Variants in DSE observed in about 807,000 individuals in gnomAD.
DSE encodes dermatan-sulfate epimerase.
Under a neutral mutation model 84.4 loss-of-function variants are expected in DSE, and 36 were observed. The ratio of observed to expected loss-of-function variants is 0.43; its 90% confidence interval spans 0.33 to 0.56. The LOEUF is 0.56. Among genes scored for constraint, DSE ranks in the 20% least tolerant of loss-of-function variants. The pLI, the probability that DSE is intolerant of heterozygous loss-of-function variation, is 0.06. For missense variants in DSE, 862 were observed against 1,169.6 expected (o/e 0.74, Z 3.84); for synonymous variants, 410 against 430.1 (o/e 0.95, Z 0.58).
chr6:116,360,120 G>C (rs1414580812), intron 2 of DSE, among the ~76,000 whole-genome samples: 2 of 152,210 alleles, frequency 1.3e-5, no homozygotes, highest in African/African-American at 4.8e-5. Context: ...ACCAAACACC[G>C]CATGTTCTCA....
At chr6:116,292,477 A>G (rs1413664909) in intron 2 of DSE, among the ~76,000 whole-genome samples, 1 of 152,182 alleles carries the variant, frequency 6.6e-6, no homozygotes, top group African/African-American at 2.4e-5. Flanking sequence ...GAGTTGAAAA[A>G]ATGAATGATA....
In DSE at chr6:116,443,279, A is replaced by G. The variant is rs1784483413; in HGVS notation, c.*5934A>G. 1 of 152,236 alleles carries G rather than the reference A, an allele frequency of 6.6e-6. No homozygotes were observed. Among genetic ancestry groups the G allele is most frequent in the Non-Finnish European group, 1.5e-5 (1 of 68,040 alleles). 9.4% of individuals were successfully genotyped at this position (152,236 alleles called of 1,614,324 possible). On this transcript the variant is annotated 3_prime_UTR_variant, in exon 6 of 6. Coordinates refer to ENST00000644252, the MANE Select transcript of DSE (RefSeq NM_013352.4). ...TAATGAGTCAAGGATCCCTAATGGT[A>G]TATATGTCTGAGTCTTATTTAATAT...
At chr6:116,260,103 C>A (rs906267214) in intron 2 of DSE, among the ~76,000 whole-genome samples, 8 of 152,222 alleles carry the variant, frequency 5.3e-5, no homozygotes, top group African/African-American at 1.9e-4. Flanking sequence ...TCTACTCCCA[C>A]CAACAGTGTA....
chr6:116,393,572 C>A (rs1781046265), intron 1 of DSE, among the ~76,000 whole-genome samples: 1 of 152,210 alleles, frequency 6.6e-6, no homozygotes. Context: ...CATGTCTAAT[C>A]ACCCCATGAA....
intron 3 of DSE, 122 bp downstream of exon 3, chr6:116,426,949 CATGAAATGAAGTAGTCCCTACAGTA>C: frequency 7.5e-7 from 1 of 1,333,726 alleles, no homozygotes; most frequent in Non-Finnish European, 1.0e-6. Context: ...TAACTAAACC[CATGAAATGAAGTAGTCCCTACAGTA>C]TCACTTAGTT....
intron 2 of DSE, among the ~76,000 whole-genome samples, chr6:116,403,492 A>C (rs542486178): frequency 1.4e-4 from 22 of 152,068 alleles, no homozygotes; most frequent in Non-Finnish European, 3.1e-4. Context: ...CTTTTCCCCT[A>C]GAAGATTAAG....
intron 2 of DSE, among the ~76,000 whole-genome samples, chr6:116,264,821 C>A (rs1186970514): frequency 6.6e-6 from 1 of 152,128 alleles, no homozygotes; most frequent in African/African-American, 2.4e-5. Flanking sequence ...GGCTGTGTTT[C>A]TGGAAGATTT....
At chr6:116,418,914 T>C (rs111996774) in intron 2 of DSE, among the ~76,000 whole-genome samples, 2 of 152,180 alleles carry the variant, frequency 1.3e-5, no homozygotes, top group Non-Finnish European at 2.9e-5. Context: ...TAATGTTGAG[T>C]TGAGAAGATG....
chr6:116,260,925 A>G (rs9374595), intron 2 of DSE, among the ~76,000 whole-genome samples: 34,663 of 152,070 alleles, frequency 0.23, 5,369 homozygotes, highest in East Asian at 0.64. Context: ...GTGATGCCTC[A>G]AGATTTGTTC....
At chr6:116,258,305 C>T (rs554270914) in intron 1 of DSE, 14 of 449,022 alleles carry the variant, frequency 3.1e-5, no homozygotes, top group East Asian at 9.7e-5. Context: ...TGTGAGCCAC[C>T]GGACCTGGCC....
chr6:116,321,644 G>A (rs760375903), intron 2 of DSE, among the ~76,000 whole-genome samples: 3 of 151,996 alleles, frequency 2.0e-5, no homozygotes, highest in East Asian at 1.9e-4. Context: ...AAAATTAGCC[G>A]GCGCCTGTAA....
intron 2 of DSE, among the ~76,000 whole-genome samples, chr6:116,402,067 C>T (rs1781632551): frequency 6.6e-6 from 1 of 152,180 alleles, no homozygotes; most frequent in Non-Finnish European, 1.5e-5. Context: ...GTTTATTGAG[C>T]ATCTACTGTG....
chr6:116,267,374 G>A (rs1472197612), intron 2 of DSE, among the ~76,000 whole-genome samples: 3 of 152,006 alleles, frequency 2.0e-5, no homozygotes, highest in Non-Finnish European at 4.4e-5. Flanking sequence ...TGATAATCGG[G>A]AGCATGGCTA....
intron 2 of DSE, among the ~76,000 whole-genome samples, chr6:116,291,293 A>G (rs938188270): frequency 6.6e-6 from 1 of 152,156 alleles, no homozygotes; most frequent in African/African-American, 2.4e-5. Context: ...GGTGCACAGA[A>G]TAGGAAATTT....
chr6:116,429,751 A>AT (rs1783693067), intron 3 of DSE, among the ~76,000 whole-genome samples: 2 of 18,358 alleles, frequency 1.1e-4, no homozygotes, highest in Non-Finnish European at 2.3e-4. Flanking sequence ...GATCGAGACC[A>AT]TCCTGGCTAA....
At chr6:116,385,815 A>C (rs1583146616) in intron 1 of DSE, among the ~76,000 whole-genome samples, 1 of 12,570 alleles carries the variant, frequency 8.0e-5, no homozygotes. Flanking sequence ...AAAGACAGCA[A>C]AAAAAAAAAA....
intron 1 of DSE, among the ~76,000 whole-genome samples, chr6:116,373,448 T>C (rs1336832561): frequency 6.6e-6 from 1 of 152,224 alleles, no homozygotes; most frequent in Admixed American, 6.5e-5. Flanking sequence ...TCAATACTGC[T>C]AGATTGAGGC....
intron 2 of DSE, among the ~76,000 whole-genome samples, chr6:116,351,817 A>T (rs1778325967): frequency 6.6e-6 from 1 of 152,176 alleles, no homozygotes; most frequent in South Asian, 2.1e-4. Flanking sequence ...AGAATTTAGG[A>T]ATTTCAGTTT....
intron 1 of DSE, among the ~76,000 whole-genome samples, chr6:116,393,050 C>G (rs1781015360): frequency 6.6e-6 from 1 of 152,142 alleles, no homozygotes; most frequent in Non-Finnish European, 1.5e-5. Flanking sequence ...AAATGTGTTA[C>G]TAAGAAACAG....
Sources: gnomAD v4.1 joint callset for allele counts (sites outside exome capture counted in the v4.1 genomes callset) on GRCh38, gnomAD v4.1.1 for gene constraint, MANE v1.5 for transcripts, NCBI Gene and HGNC (gene_info 2026-07-23, HGNC 2026-07-21) for gene names.